The following ASTL variants were observed in gnomAD, a reference collection of about 807,000 sequenced individuals.
ASTL encodes astacin like metalloendopeptidase, also known as astacin-like metalloendopeptidase.
A neutral mutation model predicts 36.7 loss-of-function variants in ASTL; 27 were observed. The observed-to-expected ratio is 0.73, with a 90% CI of 0.54 to 1.01. The LOEUF (loss-of-function observed/expected upper bound fraction) is 1.01, where lower values mean the gene tolerates loss of function less well. ASTL is among the 50% of genes least tolerant of loss of function. ASTL has a pLI of 0.00. For synonymous variants in ASTL, 222 were observed against 228.1 expected (o/e 0.97, Z 0.24); for missense variants, 524 against 572.8 (o/e 0.91, Z 0.87).
At chr2:96,133,565 GC>G in intron 4 of ASTL, 23 bp from the exon 5 acceptor site, 1 of 1,545,300 alleles carries the variant, frequency 6.5e-7, no homozygotes, top group South Asian at 1.1e-5. Flanking sequence ...ACCTGGCTGA[GC>G]CCCCAGAGCC....
rs1682035844 is a variant in ASTL, at chr2:96,124,955, C to G, written c.875-684G>C. ...CTCTTCTACCAGGTCCTGTTAGCCT[C>G]ACAGCCCACACCGCCCTCCAGACCT... On this transcript the variant is annotated intron_variant, in intron 8 of 8. Transcript: ENST00000342380. This position sits in a 1 kb window ranked among gnomAD's most constrained non-coding sequence, Gnocchi z 4.1. Among the ~76,000 whole-genome samples the G allele has an allele frequency of 6.6e-6, 1 of 152,206 alleles. No individual in the cohort carries two copies. Among genetic ancestry groups the G allele is most frequent in the Non-Finnish European group, 1.5e-5 (1 of 68,034 alleles).
At chr2:96,135,511 TCTTTC>T (rs1682278492) in intron 2 of ASTL, 99 bp from the exon 3 acceptor site, 1 of 1,006,602 alleles carries the variant, frequency 9.9e-7, no homozygotes, top group African/African-American at 1.6e-5. Context: ...TATTCTTGTG[TCTTTC>T]CTAGTGGATT....
rs1364073181 is a variant in ASTL, at chr2:96,122,987, A to G, written c.*863T>C. On this transcript the variant is annotated 3_prime_UTR_variant, in exon 9 of 9. Coordinates refer to ENST00000342380, the MANE Select transcript of ASTL (RefSeq NM_001002036.4). ...CATTGGCACCCTGGATGCTTTCTTC[A>G]TGCCTGGGACAAACCTCATGGGGAA... Among the ~76,000 whole-genome samples the G allele has an allele frequency of 1.3e-5, 2 of 152,234 alleles. No individual in the cohort carries two copies. Among genetic ancestry groups the G allele is most frequent in the African/African-American group, 4.8e-5 (2 of 41,458 alleles).
At chr2:96,135,441 C>T (rs1682276072) in intron 2 of ASTL, 29 bp from the exon 3 acceptor site, 7 of 1,609,948 alleles carry the variant, frequency 4.3e-6, no homozygotes, top group Non-Finnish European at 5.1e-6. Context: ...CGTGTTGGCC[C>T]ATGTCCCCCA....
intron 6 of ASTL, among the ~76,000 whole-genome samples, chr2:96,131,203 T>A (rs1212765178): frequency 6.6e-6 from 1 of 152,238 alleles, no homozygotes; most frequent in African/African-American, 2.4e-5. Context: ...CATGCTCAAT[T>A]TGTTCTGTTT....
chr2:96,133,803 A>T, intron 4 of ASTL, 162 bp downstream of exon 4: 2 of 670,492 alleles, frequency 3.0e-6, no homozygotes, highest in Admixed American at 4.3e-5. Flanking sequence ...AACCCTCCCT[A>T]CTCAGGAGAC....
At position 96,124,144 on chromosome 2, in the gene ASTL, G is replaced by T. The variant is rs746503620; in HGVS notation, c.1002C>A (p.Pro334=). The part of the protein sequence containing the change: ...DPSGSSAGGQ[P]VPAGPGESPH... ...GGCTCTCCCCAGGCCCTGCAGGAACGGGCTGGCCTCCCGCACTGGAACCAC... is the reference window on the plus strand; with the variant it reads ...GGCTCTCCCCAGGCCCTGCAGGAACTGGCTGGCCTCCCGCACTGGAACCAC... Residue 334 remains proline, a synonymous_variant, in exon 9 of 9, where the codon CCC becomes CCA. Transcript: ENST00000342380. The surrounding 1 kb of genome is among the most constrained non-coding windows in gnomAD (Gnocchi z 4.1). The T allele has an allele frequency of 6.4e-7, 1 of 1,570,402 alleles. No homozygotes were observed. Among genetic ancestry groups the T allele is most frequent in the Non-Finnish European group, 8.6e-7 (1 of 1,157,768 alleles).
In ASTL at chr2:96,123,769, G is replaced by A; in HGVS notation, c.*81C>T. ...GTTGGGGCTGGAAGACAGTGGTGTG[G>A]CCCAAAGGAGCCAAGAGGTAGACGA... On this transcript the variant is annotated 3_prime_UTR_variant, in exon 9 of 9. Transcript: ENST00000342380. 2.5e-6 allele frequency: 3 copies of A among 1,178,702 alleles called. No homozygotes were observed. Among genetic ancestry groups the A allele is most frequent in the Non-Finnish European group, 3.7e-6 (3 of 814,482 alleles). 73.0% of individuals were successfully genotyped at this position (1,178,702 alleles called of 1,614,324 possible).
intron 4 of ASTL, 63 bp from the exon 5 acceptor site, chr2:96,133,605 T>C: frequency 3.3e-6 from 4 of 1,217,876 alleles, no homozygotes; most frequent in South Asian, 2.4e-5. Flanking sequence ...TACCTGAGGG[T>C]CTGGGAGCAG....
chr2:96,123,849 C>T lies in ASTL; in HGVS notation c.*1G>A. ...CCTACTTGGGGACAGAAGCCACAGG[C>T]TTAATCTTCGGACATCCCCTTGAAA... is the stretch of plus-strand genomic sequence containing the variant. On this transcript the variant is annotated 3_prime_UTR_variant, in exon 9 of 9. Coordinates refer to ENST00000342380, the MANE Select transcript of ASTL (RefSeq NM_001002036.4). 6.2e-7 allele frequency: 1 copy of T among 1,611,742 alleles called. No individual in the cohort carries two copies. Among genetic ancestry groups the T allele is most frequent in the African/African-American group, 1.3e-5 (1 of 74,842 alleles).
At chr2:96,129,521 C>A (rs1474416117) in intron 8 of ASTL, among the ~76,000 whole-genome samples, 1 of 152,132 alleles carries the variant, frequency 6.6e-6, no homozygotes, top group Non-Finnish European at 1.5e-5. Flanking sequence ...GTAGATGGGA[C>A]AATGGTGGGA....
rs1202021074 is a variant in ASTL, at chr2:96,134,076, G to A, written c.244-18C>T. On this transcript the variant is annotated intron_variant, in intron 3 of 8. Transcript: ENST00000342380. The stretch of plus-strand genomic sequence containing the variant: ...AAGGGACTCTGAGGAGAGAGCAGCA[G>A]TTCAACCCCTGGGGACAGAGGCCAC... 2 of 1,587,578 alleles carry A rather than the reference G, an allele frequency of 1.3e-6. No individual in the cohort carries two copies. The highest frequency in any genetic ancestry group is 2.2e-5 in the East Asian group (1 of 44,684).
chr2:96,128,793 C>G (rs1682111506), intron 8 of ASTL, among the ~76,000 whole-genome samples: 1 of 152,148 alleles, frequency 6.6e-6, no homozygotes, highest in Admixed American at 6.5e-5. Flanking sequence ...ATCACCCTGT[C>G]AATCGGGAGG....
At chr2:96,138,315 C>G (rs910832308) in intron 1 of ASTL, 67 bp downstream of exon 1, 8 of 1,445,190 alleles carry the variant, frequency 5.5e-6, no homozygotes, top group Middle Eastern at 1.7e-4. Flanking sequence ...CAGCCACAAC[C>G]TTCTAGCCTC....
rs796642992 is a variant in ASTL at position 96,133,886 on chromosome 2, G to A, written c.337+79C>T. On this transcript the variant is annotated intron_variant, in intron 4 of 8. Coordinates refer to ENST00000342380, the MANE Select transcript of ASTL (RefSeq NM_001002036.4). ...GTGGAAGGGATGTGATGGTGTAAGA[G>A]GAAAAGGGAAGAGAGGAACACCTGC... is the stretch of plus-strand genomic sequence containing the variant. 9 of 960,034 alleles carry A rather than the reference G, an allele frequency of 9.4e-6. No individual in the cohort carries two copies. In the African/African-American group the frequency reaches 1.4e-4, roughly 15 times the overall value. 59.5% of individuals were successfully genotyped at this position (960,034 alleles called of 1,614,324 possible). A position where few individuals can be genotyped will look rare whatever the true frequency, so the allele number is the denominator to read the frequency against.
chr2:96,136,893 G>A (rs1281229862), intron 2 of ASTL, among the ~76,000 whole-genome samples: 4 of 152,126 alleles, frequency 2.6e-5, no homozygotes, highest in Admixed American at 2.6e-4. Context: ...CGCCCAGGCT[G>A]GAGTGCAGTG....
At position 96,129,815 on chromosome 2, in the gene ASTL, G is replaced by A. The variant is rs745931050; in HGVS notation, c.874+9C>T. ...CAGGTTCAAGTCACCTTCCTGCCAT[G>A]CCACTCACCTCTCCCACGGGGCCTG... On this transcript the variant is annotated intron_variant, in intron 8 of 8. Coordinates refer to ENST00000342380, the MANE Select transcript of ASTL (RefSeq NM_001002036.4). 2.3e-5 allele frequency: 35 copies of A among 1,523,662 alleles called. No individual in the cohort carries two copies. Among genetic ancestry groups the A allele is most frequent in the Non-Finnish European group, 2.7e-5 (31 of 1,134,552 alleles). 94.4% of individuals were successfully genotyped at this position (1,523,662 alleles called of 1,614,324 possible). A position where few individuals can be genotyped will look rare whatever the true frequency, so the allele number is the denominator to read the frequency against.
Position 96,137,605 on chromosome 2 carries a change from C to G in ASTL, c.151G>C (p.Gly51Arg). ...TTAATTGCAGGAATGTCCTTGTCCC[C>G]GGAGGCCTGGGTTCCCTCAGGGGTG... is the stretch of plus-strand genomic sequence containing the variant. The part of the protein sequence containing the change: ...GLTPEGTQAS[G>R]DKDIPAINQG... Residue 51 changes from glycine to arginine, a missense_variant, in exon 2 of 9, where the codon GGG (glycine) becomes CGG (arginine). Physicochemically the swap from Gly to Arg is moderately radical, Grantham distance 125. Transcript: ENST00000342380. 1 of 1,613,952 alleles carries G rather than the reference C, an allele frequency of 6.2e-7. No individual in the cohort carries two copies. The highest frequency in any genetic ancestry group is 1.1e-5 in the South Asian group (1 of 91,080).
chr2:96,136,516 C>A (rs1682301905), intron 2 of ASTL, among the ~76,000 whole-genome samples: 1 of 152,254 alleles, frequency 6.6e-6, no homozygotes, highest in Non-Finnish European at 1.5e-5. Flanking sequence ...TGGGAGTTTT[C>A]TCCATTGGTT....
Sources: allele counts gnomAD v4.1 joint callset (sites outside exome capture counted in the v4.1 genomes callset), GRCh38; gene constraint gnomAD v4.1.1; non-coding constraint Gnocchi (gnomAD v3.1); transcripts MANE v1.5; gene names NCBI Gene and HGNC (gene_info 2026-07-23, HGNC 2026-07-21).